Variants in PXDC1 observed in about 807,000 individuals in gnomAD.
PXDC1 encodes the protein PX domain containing 1, also known as PX domain-containing protein 1.
PXDC1 carries 13 observed loss-of-function variants against 24.4 expected under a neutral mutation model. The ratio of observed to expected loss-of-function variants is 0.53; its 90% CI spans 0.35 to 0.85. PXDC1 has a LOEUF of 0.85. PXDC1 is among the 40% of genes least tolerant of loss of function. PXDC1 has a pLI of 0.01. For missense variants in PXDC1, 344 were observed against 309.3 expected (o/e 1.11, Z -0.84); for synonymous variants, 162 against 124.9 (o/e 1.30, Z -1.98).
Position 3,751,639 on chromosome 6 carries a change from C to T in PXDC1, c.-108G>A. 1 of 1,337,772 alleles carries T rather than the reference C, an allele frequency of 7.5e-7. No individual in the cohort carries two copies. Among genetic ancestry groups the T allele is most frequent in the Non-Finnish European group, 9.5e-7 (1 of 1,049,932 alleles). 82.9% of individuals were successfully genotyped at this position (1,337,772 alleles called of 1,614,324 possible). ...CGGGTCTGTCCGTGGCCGGGGTCGT[C>T]CGGGGTCGGCCCGTCACTCCAAGGA... On this transcript the variant is annotated 5_prime_UTR_variant, in exon 1 of 5. Transcript: ENST00000380283.
At chr6:3,745,885 G>C (rs577024977) in intron 1 of PXDC1, among the ~76,000 whole-genome samples, 20 of 152,318 alleles carry the variant, frequency 1.3e-4, no homozygotes, top group African/African-American at 4.3e-4. Flanking sequence ...CTTAACAATG[G>C]GAAGAAACCC....
chr6:3,734,203 T>C (rs960714891), intron 3 of PXDC1, among the ~76,000 whole-genome samples: 1 of 152,212 alleles, frequency 6.6e-6, no homozygotes, highest in Non-Finnish European at 1.5e-5. Context: ...ACGTGGGCCA[T>C]GTGTTCATAC....
At chr6:3,738,848 G>A (rs762469039) in intron 1 of PXDC1, 3 of 1,303,264 alleles carry the variant, frequency 2.3e-6, no homozygotes, top group East Asian at 5.5e-5. Context: ...CATGAGAAGC[G>A]CAGAGCAGAA....
Position 3,738,037 on chromosome 6 carries a change from C to CG in PXDC1, c.348+19dup. Reference sequence around the variant, plus strand: ...GCACCTCCCACCTCCCTGCCCAGCCCGGGGCCTGGCCACACTCACTTTACA... The same window carrying CG: ...GCACCTCCCACCTCCCTGCCCAGCCCGGGGGCCTGGCCACACTCACTTTACA... On this transcript the variant is annotated intron_variant, in intron 2 of 4. Coordinates refer to ENST00000380283, the MANE Select transcript of PXDC1 (RefSeq NM_183373.4). The CG allele has an allele frequency of 1.3e-6, 2 of 1,538,170 alleles. No homozygotes were observed. Among genetic ancestry groups the CG allele is most frequent in the Non-Finnish European group, 1.8e-6 (2 of 1,114,486 alleles).
rs768653203 is a variant in PXDC1 at position 3,723,579 on chromosome 6, G to T, written c.*40C>A. On this transcript the variant is annotated 3_prime_UTR_variant, in exon 5 of 5. Transcript: ENST00000380283. ...AGCACAGTGGACAGCATCAGAGCTG[G>T]CAGTGAACAGCTGAGGCGGGGGAGG... 1 of 1,433,864 alleles carries T rather than the reference G, an allele frequency of 7.0e-7. No individual in the cohort carries two copies. Among genetic ancestry groups the T allele is most frequent in the Non-Finnish European group, 9.8e-7 (1 of 1,017,044 alleles). 88.8% of individuals were successfully genotyped at this position (1,433,864 alleles called of 1,614,324 possible). A position where few individuals can be genotyped will look rare whatever the true frequency, so the allele number is the denominator to read the frequency against.
In PXDC1 at chr6:3,751,630, C is replaced by T. The variant is rs974843522; in HGVS notation, c.-99G>A. 5.3e-4 allele frequency: 710 copies of T among 1,342,218 alleles called. 1 individual carries two copies. Among genetic ancestry groups the T allele is most frequent in the Non-Finnish European group, 5.7e-4 (601 of 1,052,530 alleles). The allele number at this position is 1,342,218 out of a possible 1,614,324, so 83.1% of individuals were successfully genotyped here. ...GGGTCGTCCCGGGTCTGTCCGTGGCCGGGGTCGTCCGGGGTCGGCCCGTCA... is the reference window on the plus strand; with the variant it reads ...GGGTCGTCCCGGGTCTGTCCGTGGCTGGGGTCGTCCGGGGTCGGCCCGTCA... On this transcript the variant is annotated 5_prime_UTR_variant, in exon 1 of 5. Coordinates refer to ENST00000380283, the MANE Select transcript of PXDC1 (RefSeq NM_183373.4).
intron 1 of PXDC1, among the ~76,000 whole-genome samples, chr6:3,748,011 A>T (rs1157833208): frequency 6.6e-6 from 1 of 152,264 alleles, no homozygotes; most frequent in Admixed American, 6.5e-5. Flanking sequence ...TGGCTCAGAC[A>T]TCACAAAGCC....
chr6:3,738,897 G>A, intron 1 of PXDC1: 1 of 1,302,664 alleles, frequency 7.7e-7, no homozygotes, highest in Middle Eastern at 2.9e-4. Context: ...GCTTTGCAGG[G>A]ATGGGGAAGT....
chr6:3,727,117 A>G (rs1760087691), intron 4 of PXDC1, among the ~76,000 whole-genome samples: 1 of 152,242 alleles, frequency 6.6e-6, no homozygotes, highest in Non-Finnish European at 1.5e-5. Context: ...AGAGCGGAGA[A>G]GACAGTGGTG....
At position 3,737,955 on chromosome 6, in the gene PXDC1, GAGCA is replaced by G. The variant is rs939728769; in HGVS notation, c.348+98_348+101del. ...GGGAACAAAACGGCTAAGTGAGACA[GAGCA>G]AGCAAGTCAACCCTCCGGGGGGATG... On this transcript the variant is annotated intron_variant, in intron 2 of 4. Transcript: ENST00000380283. The surrounding 1 kb of genome is among the most constrained non-coding windows in gnomAD (Gnocchi z 5.5). 26 of 980,866 alleles carry G rather than the reference GAGCA, an allele frequency of 2.7e-5. No homozygotes were observed. In the African/African-American group the frequency reaches 3.7e-4, roughly 14 times the overall value. 60.8% of individuals were successfully genotyped at this position (980,866 alleles called of 1,614,324 possible).
At chr6:3,746,279 T>G (rs1760569860) in intron 1 of PXDC1, among the ~76,000 whole-genome samples, 1 of 151,934 alleles carries the variant, frequency 6.6e-6, no homozygotes, top group South Asian at 2.1e-4. Flanking sequence ...CAGTGGCCAT[T>G]TATGGAAAAG....
intron 1 of PXDC1, among the ~76,000 whole-genome samples, chr6:3,744,902 G>A (rs1441199948): frequency 2.6e-5 from 4 of 152,218 alleles, no homozygotes; most frequent in Admixed American, 6.5e-5. Context: ...GTTTCACCAC[G>A]TCGGCCAGGC....
chr6:3,739,725 G>A (rs1037569575), intron 1 of PXDC1, among the ~76,000 whole-genome samples: 41 of 152,230 alleles, frequency 2.7e-4, no homozygotes, highest in African/African-American at 7.2e-4. Context: ...AACAACAAAA[G>A]TACCAGACTC....
intron 1 of PXDC1, among the ~76,000 whole-genome samples, chr6:3,739,659 C>G (rs967587286): frequency 4.6e-5 from 7 of 152,218 alleles, no homozygotes; most frequent in Admixed American, 3.3e-4. Flanking sequence ...TCTCCAGCCT[C>G]GGCCCACCTC....
chr6:3,746,466 C>G (rs111636633), intron 1 of PXDC1, among the ~76,000 whole-genome samples: 5,055 of 152,230 alleles, frequency 0.033, 295 homozygotes, highest in African/African-American at 0.12. Context: ...GCCAGGTCAA[C>G]AGAGTCAAAA....
At chr6:3,738,873 G>T in intron 1 of PXDC1, 2 of 1,303,132 alleles carry the variant, frequency 1.5e-6, no homozygotes, top group Non-Finnish European at 2.0e-6. Context: ...TCCCATCACA[G>T]GTTCTATCCG....
rs1223266516 is a variant in PXDC1 at position 3,751,612 on chromosome 6, C to G, written c.-81G>C. On this transcript the variant is annotated 5_prime_UTR_variant, in exon 1 of 5. Transcript: ENST00000380283. ...GGAGGCGCGCCCCGGCCGGGGTCGT[C>G]CCGGGTCTGTCCGTGGCCGGGGTCG... 9.3e-6 allele frequency: 13 copies of G among 1,398,808 alleles called. No individual in the cohort carries two copies. The African/African-American group carries it at 1.1e-4, about 11-fold the overall frequency. 86.6% of individuals were successfully genotyped at this position (1,398,808 alleles called of 1,614,324 possible).
At chr6:3,744,506 A>T (rs1451560233) in intron 1 of PXDC1, among the ~76,000 whole-genome samples, 1 of 152,152 alleles carries the variant, frequency 6.6e-6, no homozygotes, top group Non-Finnish European at 1.5e-5. Flanking sequence ...TATAAGGGTG[A>T]AAGGGGTTGG....
intron 1 of PXDC1, among the ~76,000 whole-genome samples, chr6:3,743,751 A>G (rs1760501576): frequency 6.6e-6 from 1 of 152,208 alleles, no homozygotes; most frequent in Non-Finnish European, 1.5e-5. Context: ...CACGCAGTAT[A>G]ACTGTACAAG....
Sources: gnomAD v4.1 joint callset for allele counts (sites outside exome capture counted in the v4.1 genomes callset) on GRCh38, gnomAD v4.1.1 for gene constraint, Gnocchi (gnomAD v3.1) non-coding constraint, MANE v1.5 for transcripts, NCBI Gene and HGNC (gene_info 2026-07-23, HGNC 2026-07-21) for gene names.